BANP: variants seen among roughly 807,000 people sequenced by gnomAD.
BANP encodes BTG3 associated nuclear protein.
A neutral mutation model predicts 68.1 loss-of-function variants in BANP; 11 were observed. The observed-to-expected ratio is 0.16, with a 90% confidence interval of 0.10 to 0.27. BANP has a LOEUF of 0.27. BANP is among the 10% of genes least tolerant of loss of function. The pLI is 1.00. For synonymous variants in BANP, 329 were observed against 303.2 expected, an observed-to-expected ratio of 1.09 and a Z score of -0.88; for missense variants, 504 against 722.7, an observed-to-expected ratio of 0.70 and a Z score of 3.47.
chr16:88,022,437 A>G (rs1414389110), intron 7 of BANP, among the ~76,000 whole-genome samples: 1 of 152,246 alleles, frequency 6.6e-6, no homozygotes, highest in African/African-American at 2.4e-5. Context: ...CAAGGTAAAA[A>G]GTTATGCTTT....
chr16:88,044,977 G>A (rs917419705), intron 11 of BANP, among the ~76,000 whole-genome samples: 14 of 151,040 alleles, frequency 9.3e-5, no homozygotes, highest in African/African-American at 2.9e-4. Flanking sequence ...GCGCGACTCC[G>A]TCTCAAAAAA....
chr16:87,989,534 G>A (rs11648471), intron 4 of BANP, among the ~76,000 whole-genome samples: 31,881 of 118,358 alleles, frequency 0.27, 6,984 homozygotes, highest in Non-Finnish European at 0.4. Context: ...AGTGTTGCCC[G>A]TCAGGGGATG....
chr16:88,025,818 G>C lies in BANP; in HGVS notation c.896-1665G>C, dbSNP rs145112770. 9.3e-4 allele frequency among the ~76,000 whole-genome samples: 142 copies of C among 152,344 alleles called. 1 individual carries two copies. The highest frequency in any genetic ancestry group is 3.4e-3 in the African/African-American group (140 of 41,578). On this transcript the variant is annotated intron_variant, in intron 7 of 13. Transcript: ENST00000682872. ...AGTAGAGTCCGAACTTGAGGCTCTT[G>C]GTAGTTGAAACGGGACACTTTTCAG... is the stretch of plus-strand genomic sequence containing the variant.
At chr16:87,969,019 A>G (rs1293590203) in intron 1 of BANP, among the ~76,000 whole-genome samples, 1 of 152,184 alleles carries the variant, frequency 6.6e-6, no homozygotes. Context: ...TATTCTGTGC[A>G]TATCTGACAT....
Position 88,018,351 on chromosome 16 carries a change from G to C in BANP, c.656-77G>C. 1 of 1,519,520 alleles carries C rather than the reference G, an allele frequency of 6.6e-7. No individual in the cohort carries two copies. Among genetic ancestry groups the C allele is most frequent in the Non-Finnish European group, 8.9e-7 (1 of 1,120,662 alleles). 94.1% of individuals were successfully genotyped at this position (1,519,520 alleles called of 1,614,324 possible). On this transcript the variant is annotated intron_variant, in intron 6 of 13. Coordinates refer to ENST00000682872, the MANE Select transcript of BANP (RefSeq NM_001386991.1). The surrounding 1 kb of genome is among the most constrained non-coding windows in gnomAD (Gnocchi z 7.7). ...TGGAGCATCTTTCCCGACTGTGCCT[G>C]AGCAGAGCGCTCTGCTGTCCTGAAT...
upstream of BANP, chr16:87,950,638 G>T (rs868372359): frequency 5.3e-5 from 8 of 152,332 alleles, no homozygotes; most frequent in African/African-American, 1.9e-4. Context: ...GTTTCGCCAT[G>T]TTGGCCAGGC....
rs1337096625 is a variant in BANP at position 88,004,422 on chromosome 16, C to T, written c.479+11C>T. The T allele has an allele frequency of 6.4e-6, 9 of 1,400,090 alleles. No individual in the cohort carries two copies. Among genetic ancestry groups the T allele is most frequent in the Admixed American group, 4.1e-5 (2 of 48,222 alleles). 86.7% of individuals were successfully genotyped at this position (1,400,090 alleles called of 1,614,324 possible). On this transcript the variant is annotated intron_variant, in intron 5 of 13. Coordinates refer to ENST00000682872, the MANE Select transcript of BANP (RefSeq NM_001386991.1). This position sits in a 1 kb window ranked among gnomAD's most constrained non-coding sequence, Gnocchi z 7.0. ...AAATGTCATTAGCAAGTCAGTAGCA[C>T]GGCACCAACCCCACCTTTCCCTGCC...
At position 88,033,109 on chromosome 16, in the gene BANP, A is replaced by C. The variant is rs1351723901; in HGVS notation, c.1064A>C (p.Glu355Ala). The change falls in exon 9 of 14, where the codon GAG becomes GCG. Residue 355 changes from glutamate (E) to alanine (A), a missense_variant and splice_region_variant. Coordinates refer to ENST00000682872, the MANE Select transcript of BANP (RefSeq NM_001386991.1). ...TPNSSSYCPS[E>A]PMMSTPPPAS... The stretch of plus-strand genomic sequence containing the variant: ...CCGTTCACACCTGTTGCCCCCACAG[A>C]GCCGATGATGAGCACCCCACCTCCT... 1 of 1,600,452 alleles carries C rather than the reference A, an allele frequency of 6.2e-7. No individual in the cohort carries two copies. The highest frequency in any genetic ancestry group is 8.5e-7 in the Non-Finnish European group (1 of 1,170,320).
At chr16:87,970,997 A>G (rs1284428604) in intron 1 of BANP, among the ~76,000 whole-genome samples, 2 of 142,914 alleles carry the variant, frequency 1.4e-5, no homozygotes, top group Non-Finnish European at 3.0e-5. Context: ...GGCCTGGGCA[A>G]CAGAGTGAGA....
intron 12 of BANP, among the ~76,000 whole-genome samples, chr16:88,065,848 C>T (rs2088399520): frequency 6.6e-6 from 1 of 152,082 alleles, no homozygotes; most frequent in Non-Finnish European, 1.5e-5. Context: ...CCCGGGAGGC[C>T]CACAGGATCC....
Position 88,004,169 on chromosome 16 carries a change from C to A in BANP, c.363-126C>A. 1 of 694,710 alleles carries A rather than the reference C, an allele frequency of 1.4e-6. No individual in the cohort carries two copies. The highest frequency in any genetic ancestry group is 2.6e-6 in the Non-Finnish European group (1 of 386,216). 43.0% of individuals were successfully genotyped at this position (694,710 alleles called of 1,614,324 possible). ...CCTGGGAGTGGACTATGTTGAATGA[C>A]TCTTAGGCCTCCCCCTCAGTGCGGG... On this transcript the variant is annotated intron_variant, in intron 4 of 13. Coordinates refer to ENST00000682872, the MANE Select transcript of BANP (RefSeq NM_001386991.1). This position sits in a 1 kb window ranked among gnomAD's most constrained non-coding sequence, Gnocchi z 7.0.
rs568332681 is a variant in BANP at position 88,009,602 on chromosome 16, A to G, written c.655+3337A>G. Among the ~76,000 whole-genome samples, 17 of 152,340 alleles carry G rather than the reference A, an allele frequency of 1.1e-4. No homozygotes were observed. In the East Asian group the frequency reaches 1.9e-3, roughly 17 times the overall value. On this transcript the variant is annotated intron_variant, in intron 6 of 13. Coordinates refer to ENST00000682872, the MANE Select transcript of BANP (RefSeq NM_001386991.1). ...ATAAGAAGGATGGTAACTCTCAGCTATTGAAAGCAGGGAACAGTAGACTGT... is the reference window on the plus strand; with the variant it reads ...ATAAGAAGGATGGTAACTCTCAGCTGTTGAAAGCAGGGAACAGTAGACTGT...
chr16:87,985,180 G>C (rs757548214), intron 4 of BANP, among the ~76,000 whole-genome samples: 5 of 152,252 alleles, frequency 3.3e-5, no homozygotes, highest in Non-Finnish European at 7.3e-5. Context: ...TGGGAAGTCT[G>C]GGGGCAGCTC....
Position 88,057,786 on chromosome 16 carries a change from G to C in BANP, c.1312-7481G>C, listed in dbSNP as rs1441177614. On this transcript the variant is annotated intron_variant, in intron 11 of 13. Transcript: ENST00000682872. The surrounding 1 kb of genome is among the most constrained non-coding windows in gnomAD (Gnocchi z 4.6). The stretch of plus-strand genomic sequence containing the variant: ...GGGGGTGCGTGCAGTGACTCGCGCT[G>C]GCCCTGTCCCCGCACCCTGGACTCC... Among the ~76,000 whole-genome samples, 3 of 151,666 alleles carry C rather than the reference G, an allele frequency of 2.0e-5. No homozygotes were observed. Among genetic ancestry groups the C allele is most frequent in the Admixed American group, 1.3e-4 (2 of 15,254 alleles).
chr16:87,999,394 G>A (rs559020357), intron 4 of BANP, among the ~76,000 whole-genome samples: 3 of 128,386 alleles, frequency 2.3e-5, no homozygotes, highest in Non-Finnish European at 3.3e-5. Context: ...GCACGTGCGC[G>A]GCTGGACTTA....
chr16:88,067,247 G>A (rs1470932803), intron 12 of BANP, among the ~76,000 whole-genome samples: 2 of 152,146 alleles, frequency 1.3e-5, no homozygotes, highest in African/African-American at 4.8e-5. Context: ...GTCTCATGGG[G>A]CTGAGGGGGT....
At chr16:88,074,369 TG>T (rs2091137848) in intron 13 of BANP, among the ~76,000 whole-genome samples, 1 of 152,000 alleles carries the variant, frequency 6.6e-6, no homozygotes, top group Non-Finnish European at 1.5e-5. Flanking sequence ...AGCTGGCCTG[TG>T]GGGGTGGCCA....
chr16:88,018,764 A>T lies in BANP; in HGVS notation c.895+97A>T, dbSNP rs1279374844. 4.9e-6 allele frequency: 7 copies of T among 1,414,808 alleles called. No individual in the cohort carries two copies. Among genetic ancestry groups the T allele is most frequent in the African/African-American group, 2.9e-5 (2 of 69,944 alleles). 87.6% of individuals were successfully genotyped at this position (1,414,808 alleles called of 1,614,324 possible). On this transcript the variant is annotated intron_variant, in intron 7 of 13. Coordinates refer to ENST00000682872, the MANE Select transcript of BANP (RefSeq NM_001386991.1). This position sits in a 1 kb window ranked among gnomAD's most constrained non-coding sequence, Gnocchi z 7.7. ...GGACGCTGGCATCAGTAGCACCGGC[A>T]CGGGGCTGCGTTTCTCCAGGCGGTT...
At chr16:88,041,275 C>T (rs8046085) in intron 11 of BANP, among the ~76,000 whole-genome samples, 151,571 of 152,332 alleles carry the variant, frequency 1, 75,411 homozygotes, top group Middle Eastern at 1. Flanking sequence ...GGATTGCTGC[C>T]GGGGCGACGG....
Sources: gnomAD v4.1 joint callset for allele counts (sites outside exome capture counted in the v4.1 genomes callset) on GRCh38, gnomAD v4.1.1 for gene constraint, Gnocchi (gnomAD v3.1) non-coding constraint, MANE v1.5 for transcripts, NCBI Gene and HGNC (gene_info 2026-07-23, HGNC 2026-07-21) for gene names.